The following ABCC8 variants were observed in gnomAD, a reference collection of about 807,000 sequenced individuals.
The protein encoded by ABCC8 is ATP-binding cassette sub-family C member 8.
ABCC8 carries 137 observed loss-of-function variants against 188.0 expected under a neutral mutation model. The observed-to-expected ratio is 0.73, with a 90% CI of 0.63 to 0.84. The LOEUF is 0.84. Ranked by LOEUF, ABCC8 falls within the 40% of genes least tolerant of loss-of-function variation. The pLI is 0.00. For synonymous variants in ABCC8, 797 were observed against 846.5 expected (o/e 0.94, Z 1.01); for missense variants, 1,750 against 2,072.7 (o/e 0.84, Z 3.02).
chr11:17,404,614 G>A lies in ABCC8; in HGVS notation c.3455C>T (p.Ala1152Val), dbSNP rs1354859002. Reference protein sequence around the residue: ...LSRSTLLCVSALAVISYVTPV... With the variant: ...LSRSTLLCVSVLAVISYVTPV... ...TGTGACATAGGAGATGACGGCCAGG[G>A]CTGAGACACAGAGCAGGGTGGAGCG... Residue 1152 changes from alanine to valine, a missense_variant, in exon 28 of 39, where the codon GCC (alanine) becomes GTC (valine). Coordinates refer to ENST00000389817, the MANE Select transcript of ABCC8 (RefSeq NM_000352.6). The surrounding 1 kb of genome is among the most constrained non-coding windows in gnomAD (Gnocchi z 4.7). 1 of 1,613,766 alleles carries A rather than the reference G, an allele frequency of 6.2e-7. No individual in the cohort carries two copies. The highest frequency in any genetic ancestry group is 8.5e-7 in the Non-Finnish European group (1 of 1,179,992).
At chr11:17,413,948 A>G (rs1031715800) in intron 19 of ABCC8, among the ~76,000 whole-genome samples, 7 of 152,198 alleles carry the variant, frequency 4.6e-5, no homozygotes, top group Non-Finnish European at 8.8e-5. Flanking sequence ...TGTTGGTGAC[A>G]AACATGTACT....
intron 29 of ABCC8, 137 bp downstream of exon 29, chr11:17,402,524 C>G (rs900263957): frequency 1.3e-6 from 2 of 1,551,922 alleles, no homozygotes; most frequent in African/African-American, 2.7e-5. Flanking sequence ...TCCCTTGGGC[C>G]TTGGGACCTG....
Position 17,457,543 on chromosome 11 carries a change from C to T in ABCC8, c.1011+2945G>A, listed in dbSNP as rs536783598. Among the ~76,000 whole-genome samples the T allele has an allele frequency of 7.2e-5, 11 of 152,312 alleles. No homozygotes were observed. The South Asian group carries it at 1.9e-3, about 26-fold the overall frequency. ...AGCAGCTCATTATGAATCTAATTCT[C>T]TTGTCCTTCAGCCAGATCAGTGGCA... On this transcript the variant is annotated intron_variant, in intron 6 of 38. Coordinates refer to ENST00000389817, the MANE Select transcript of ABCC8 (RefSeq NM_000352.6).
chr11:17,468,804 C>T (rs1848308127), intron 3 of ABCC8, among the ~76,000 whole-genome samples: 1 of 152,114 alleles, frequency 6.6e-6, no homozygotes, highest in Admixed American at 6.5e-5. Context: ...GGGGAATTAG[C>T]CTGTGGGACA....
chr11:17,407,567 C>G, intron 23 of ABCC8, 114 bp from the exon 24 acceptor site: 1 of 1,543,354 alleles, frequency 6.5e-7, no homozygotes, highest in African/African-American at 1.4e-5. Flanking sequence ...CTACTTTGTC[C>G]CTGCCTGAGG....
At position 17,413,478 on chromosome 11, in the gene ABCC8, C is replaced by T. The variant is rs1473036627; in HGVS notation, c.2391G>A (p.Arg797=). 1.2e-6 allele frequency: 2 copies of T among 1,613,668 alleles called. No homozygotes were observed. The highest frequency in any genetic ancestry group is 1.1e-5 in the South Asian group (1 of 91,064). The change falls in exon 20 of 39, where the codon CGG becomes CGA. Residue 797 remains arginine, a splice_region_variant and synonymous_variant. Coordinates refer to ENST00000389817, the MANE Select transcript of ABCC8 (RefSeq NM_000352.6). The stretch of plus-strand genomic sequence containing the variant: ...AGCAGGCTTCAATGACCATCTTGTA[C>T]CTGGCGTGGGTAGAGGCAGGGGATG... ...IIFESPFNKQ[R]YKMVIEACSL...
chr11:17,438,095 C>T (rs902787498), intron 10 of ABCC8, among the ~76,000 whole-genome samples: 2 of 152,114 alleles, frequency 1.3e-5, no homozygotes, highest in Non-Finnish European at 2.9e-5. Context: ...AGTGAGACTC[C>T]ATCTCAAAAC....
intron 16 of ABCC8, among the ~76,000 whole-genome samples, chr11:17,424,616 G>A (rs1955502337): frequency 6.6e-6 from 1 of 152,220 alleles, no homozygotes; most frequent in African/African-American, 2.4e-5. Context: ...ACCAGGTTCA[G>A]AGTGGGTTTT....
chr11:17,432,331 G>A, intron 10 of ABCC8, 87 bp from the exon 11 acceptor site: 1 of 1,550,354 alleles, frequency 6.5e-7, no homozygotes, highest in Non-Finnish European at 8.7e-7. Context: ...AGGCAGCGCA[G>A]TCCAGTGGGG....
At chr11:17,439,877 C>T (rs1377481595) in intron 10 of ABCC8, among the ~76,000 whole-genome samples, 1 of 152,198 alleles carries the variant, frequency 6.6e-6, no homozygotes, top group South Asian at 2.1e-4. Context: ...GTCCTCCTGG[C>T]CCCAGGCCCA....
chr11:17,456,013 G>A (rs954628725), intron 6 of ABCC8, among the ~76,000 whole-genome samples: 2 of 151,784 alleles, frequency 1.3e-5, no homozygotes, highest in East Asian at 1.9e-4. Flanking sequence ...AGGAAGGCAG[G>A]CCCTGTTGGA....
At chr11:17,472,936 T>C (rs1478271981) in intron 2 of ABCC8, among the ~76,000 whole-genome samples, 1 of 152,204 alleles carries the variant, frequency 6.6e-6, no homozygotes. Context: ...CAGTCATGAA[T>C]GGCCACACTG....
In ABCC8 at chr11:17,427,582, G is replaced by A. The variant is rs572368900; in HGVS notation, c.2116+285C>T. 3.8e-4 allele frequency among the ~76,000 whole-genome samples: 58 copies of A among 152,224 alleles called. No homozygotes were observed. The South Asian group carries it at 5.8e-3, about 15-fold the overall frequency. On this transcript the variant is annotated intron_variant, in intron 15 of 38. Coordinates refer to ENST00000389817, the MANE Select transcript of ABCC8 (RefSeq NM_000352.6). The surrounding 1 kb of genome is among the most constrained non-coding windows in gnomAD (Gnocchi z 5.0). ...CAGAAACCCCATCACTTCCACTTGCGTTCCTTGGCTACCCACTTCTGATCT... is the reference window on the plus strand; with the variant it reads ...CAGAAACCCCATCACTTCCACTTGCATTCCTTGGCTACCCACTTCTGATCT...
At chr11:17,420,122 G>A (rs890916954) in intron 16 of ABCC8, among the ~76,000 whole-genome samples, 9 of 152,306 alleles carry the variant, frequency 5.9e-5, no homozygotes, top group Non-Finnish European at 8.8e-5. Context: ...AAGGGAAGAA[G>A]TGGAAACTGA....
At chr11:17,407,310 C>T (rs779760366) in intron 24 of ABCC8, 44 bp downstream of exon 24, 1 of 1,614,012 alleles carries the variant, frequency 6.2e-7, no homozygotes, top group Non-Finnish European at 8.5e-7. Context: ...TGTGGCTGAT[C>T]AGACCTCAGG....
At chr11:17,395,115 T>A (rs1953839223) in intron 36 of ABCC8, 57 bp downstream of exon 36, 1 of 1,548,820 alleles carries the variant, frequency 6.5e-7, no homozygotes, top group Admixed American at 2.0e-5. Flanking sequence ...CTGTCTGCCA[T>A]CCTTACAGGG....
intron 10 of ABCC8, among the ~76,000 whole-genome samples, chr11:17,439,649 G>A (rs896527916): frequency 7.9e-5 from 12 of 152,056 alleles, no homozygotes; most frequent in Non-Finnish European, 1.6e-4. Context: ...TCCTCGGAAA[G>A]GCAAACACAC....
At chr11:17,469,434 T>G (rs1026355021) in intron 3 of ABCC8, among the ~76,000 whole-genome samples, 7 of 152,064 alleles carry the variant, frequency 4.6e-5, no homozygotes, top group African/African-American at 1.7e-4. Flanking sequence ...GCCCACCTCC[T>G]GAAAGTGTAG....
intron 16 of ABCC8, among the ~76,000 whole-genome samples, chr11:17,425,521 C>T (rs1218855181): frequency 2.0e-5 from 3 of 152,020 alleles, no homozygotes; most frequent in African/African-American, 7.3e-5. Flanking sequence ...TAAATGAATA[C>T]TCCAAAGCCC....
Sources: allele counts gnomAD v4.1 joint callset (sites outside exome capture counted in the v4.1 genomes callset), GRCh38; gene constraint gnomAD v4.1.1; non-coding constraint Gnocchi (gnomAD v3.1); transcripts MANE v1.5; gene names NCBI Gene and HGNC (gene_info 2026-07-23, HGNC 2026-07-21).